Variants in CADM1 observed in about 807,000 individuals in gnomAD.
The protein encoded by CADM1 is TSLC-1.
Under a neutral mutation model 53.1 loss-of-function variants are expected in CADM1, and 15 were observed. The observed-to-expected ratio is 0.28, with a 90% CI of 0.19 to 0.44. The LOEUF (loss-of-function observed/expected upper bound fraction) is 0.44, where lower values mean the gene tolerates loss of function less well. Among genes scored for constraint, CADM1 ranks in the 20% least tolerant of loss-of-function variants. CADM1 has a pLI of 1.00. For synonymous variants in CADM1, 281 were observed against 243.0 expected (o/e 1.16, Z -1.45); for missense variants, 434 against 611.3 (o/e 0.71, Z 3.06).
chr11:115,361,155 AAAC>A (rs1946019049), intron 1 of CADM1, among the ~76,000 whole-genome samples: 2 of 152,210 alleles, frequency 1.3e-5, no homozygotes, highest in Admixed American at 6.5e-5. Flanking sequence ...CCCTGAAGCA[AAAC>A]AACCACTCAG....
intron 1 of CADM1, among the ~76,000 whole-genome samples, chr11:115,370,938 T>C (rs1377747578): frequency 2.0e-5 from 3 of 152,122 alleles, no homozygotes; most frequent in Non-Finnish European, 4.4e-5. Context: ...CAAAATGAAG[T>C]TAACAGGGAC....
chr11:115,348,150 G>T (rs948427125), intron 1 of CADM1, among the ~76,000 whole-genome samples: 5 of 152,124 alleles, frequency 3.3e-5, no homozygotes, highest in African/African-American at 1.2e-4. Context: ...ACCACACCAA[G>T]ATTTCTTTGT....
At chr11:115,458,876 G>T (rs2135368042) in intron 1 of CADM1, among the ~76,000 whole-genome samples, 1 of 152,194 alleles carries the variant, frequency 6.6e-6, no homozygotes, top group South Asian at 2.1e-4. Context: ...AGATCTAATA[G>T]ATTTTTTAAA....
intron 1 of CADM1, among the ~76,000 whole-genome samples, chr11:115,482,610 T>C (rs1938976992): frequency 6.6e-6 from 1 of 152,198 alleles, no homozygotes; most frequent in Non-Finnish European, 1.5e-5. Context: ...TCATTGGAAG[T>C]AGAGGTATTT....
chr11:115,391,940 G>A (rs984788883), intron 1 of CADM1, among the ~76,000 whole-genome samples: 3 of 152,132 alleles, frequency 2.0e-5, no homozygotes, highest in Non-Finnish European at 4.4e-5. Context: ...CACCCACAGA[G>A]CACAGAATTA....
chr11:115,455,688 CA>C (rs1035784610), intron 1 of CADM1, among the ~76,000 whole-genome samples: 1 of 152,056 alleles, frequency 6.6e-6, no homozygotes, highest in Non-Finnish European at 1.5e-5. Flanking sequence ...AACTTCCCTA[CA>C]AAAAACAAAA....
intron 1 of CADM1, among the ~76,000 whole-genome samples, chr11:115,402,738 A>T (rs1011473844): frequency 6.6e-5 from 10 of 152,164 alleles, no homozygotes; most frequent in African/African-American, 2.4e-4. Flanking sequence ...CAAAACTCCA[A>T]GTTTGACTAC....
At chr11:115,426,149 A>G (rs1248213726) in intron 1 of CADM1, among the ~76,000 whole-genome samples, 1 of 152,214 alleles carries the variant, frequency 6.6e-6, no homozygotes, top group Admixed American at 6.5e-5. Context: ...AGCACCAGGC[A>G]TCTCCCAAAC....
intron 1 of CADM1, among the ~76,000 whole-genome samples, chr11:115,423,533 T>C (rs1947813725): frequency 6.6e-6 from 1 of 152,188 alleles, no homozygotes. Flanking sequence ...GGGCAACAAT[T>C]TTAAAAATAC....
chr11:115,286,392 C>T (rs1943730089), intron 1 of CADM1, among the ~76,000 whole-genome samples: 1 of 152,166 alleles, frequency 6.6e-6, no homozygotes, highest in African/African-American at 2.4e-5. Context: ...TTTGTTTAGG[C>T]CAGGAAACAC....
chr11:115,325,032 C>T (rs897538893), intron 1 of CADM1, among the ~76,000 whole-genome samples: 3 of 152,150 alleles, frequency 2.0e-5, no homozygotes, highest in African/African-American at 7.2e-5. Context: ...CCGTGCCTAT[C>T]ACGTAAATGG....
chr11:115,322,188 AT>A (rs1332400541), intron 1 of CADM1, among the ~76,000 whole-genome samples: 1 of 152,068 alleles, frequency 6.6e-6, no homozygotes, highest in Non-Finnish European at 1.5e-5. Flanking sequence ...GCCAAAAACA[AT>A]CCTTCCACAC....
rs778075995 is a variant in CADM1 at position 115,198,428 on chromosome 11, C to T, written c.1089G>A (p.Ala363=). ...TILTIITDTT[A]TTEPAVHGLT... The stretch of plus-strand genomic sequence containing the variant: ...AACCGTGAACTGCTGGTTCTGTCGT[C>T]GCCGTTGTGTCTACAGACGGGAACA... The change falls in exon 9 of 12, where the codon GCG becomes GCA. Residue 363 remains alanine (A), a synonymous_variant. Coordinates refer to ENST00000331581, the MANE Select transcript of CADM1 (RefSeq NM_001301043.2). 8 of 1,595,550 alleles carry T rather than the reference C, an allele frequency of 5.0e-6. No individual in the cohort carries two copies. Among genetic ancestry groups the T allele is most frequent in the South Asian group, 2.2e-5 (2 of 90,098 alleles).
intron 1 of CADM1, among the ~76,000 whole-genome samples, chr11:115,492,842 C>T (rs1949527872): frequency 6.6e-6 from 1 of 152,034 alleles, no homozygotes; most frequent in Admixed American, 6.6e-5. Context: ...TTAAAATACA[C>T]TCACACAGTT....
intron 1 of CADM1, among the ~76,000 whole-genome samples, chr11:115,492,805 C>T (rs1454016951): frequency 1.3e-5 from 2 of 152,074 alleles, no homozygotes; most frequent in East Asian, 3.8e-4. Flanking sequence ...ATTAGCATGA[C>T]ATTGTGATTT....
At chr11:115,278,890 A>C (rs1591665326) in intron 1 of CADM1, among the ~76,000 whole-genome samples, 1 of 152,138 alleles carries the variant, frequency 6.6e-6, no homozygotes, top group Non-Finnish European at 1.5e-5. Flanking sequence ...GGATGGAGGG[A>C]ATAAAGGAAA....
intron 1 of CADM1, among the ~76,000 whole-genome samples, chr11:115,343,263 C>G (rs1178378094): frequency 6.6e-6 from 1 of 152,136 alleles, no homozygotes; most frequent in Non-Finnish European, 1.5e-5. Flanking sequence ...AAGGTCAACT[C>G]TCAAGGCTAT....
At chr11:115,482,447 A>G (rs548249900) in intron 1 of CADM1, among the ~76,000 whole-genome samples, 1 of 152,352 alleles carries the variant, frequency 6.6e-6, no homozygotes, top group East Asian at 1.9e-4. Context: ...ACACAAACAC[A>G]TACACACACA....
intron 1 of CADM1, among the ~76,000 whole-genome samples, chr11:115,500,357 G>A (rs1949703947): frequency 6.6e-6 from 1 of 152,058 alleles, no homozygotes; most frequent in African/African-American, 2.4e-5. Flanking sequence ...TGACCAATTA[G>A]GCATTAAAAT....
Sources: allele counts gnomAD v4.1 joint callset (sites outside exome capture counted in the v4.1 genomes callset), GRCh38; gene constraint gnomAD v4.1.1; transcripts MANE v1.5; gene names NCBI Gene and HGNC (gene_info 2026-07-23, HGNC 2026-07-21).